The following LHFPL6 variants were observed in gnomAD, a reference collection of about 807,000 sequenced individuals.
The protein encoded by LHFPL6 is LHFPL tetraspan subfamily member 6 protein.
LHFPL6 carries 9 observed loss-of-function variants against 20.6 expected under a neutral mutation model. The ratio of observed to expected loss-of-function variants is 0.44; its 90% CI spans 0.26 to 0.76. LHFPL6 has a LOEUF of 0.76. Ranked by LOEUF, LHFPL6 falls within the 30% of genes least tolerant of loss-of-function variation. LHFPL6 has a pLI of 0.20. For missense variants in LHFPL6, 218 were observed against 253.5 expected, an observed-to-expected ratio of 0.86 and a Z score of 0.95; for synonymous variants, 105 against 98.7, an observed-to-expected ratio of 1.06 and a Z score of -0.38.
At chr13:39,434,231 T>C (rs1871894184) in intron 2 of LHFPL6, among the ~76,000 whole-genome samples, 1 of 152,260 alleles carries the variant, frequency 6.6e-6, no homozygotes, top group African/African-American at 2.4e-5. Flanking sequence ...TATCAGGCAC[T>C]TTCCACATAG....
At chr13:39,586,266 C>T (rs1415520430) in intron 2 of LHFPL6, among the ~76,000 whole-genome samples, 1 of 152,088 alleles carries the variant, frequency 6.6e-6, no homozygotes, top group East Asian at 1.9e-4. Context: ...TTCAGTGACA[C>T]TGTCAGCTGC....
chr13:39,488,524 A>G (rs9566440), intron 2 of LHFPL6, among the ~76,000 whole-genome samples: 33,273 of 151,982 alleles, frequency 0.22, 5,630 homozygotes, highest in East Asian at 0.72. Flanking sequence ...ACTGAATCAC[A>G]TCCTTCTCTC....
At chr13:39,400,133 A>C (rs1301764254) in intron 2 of LHFPL6, among the ~76,000 whole-genome samples, 1 of 152,166 alleles carries the variant, frequency 6.6e-6, no homozygotes, top group Admixed American at 6.6e-5. Context: ...CATACAACCA[A>C]ATTTGATCCA....
chr13:39,442,211 G>A (rs1872159174), intron 2 of LHFPL6, among the ~76,000 whole-genome samples: 1 of 152,016 alleles, frequency 6.6e-6, no homozygotes, highest in Admixed American at 6.6e-5. Context: ...AAAAAAATTA[G>A]GTAGTTGAAA....
At chr13:39,452,647 G>A (rs1872481442) in intron 2 of LHFPL6, among the ~76,000 whole-genome samples, 1 of 152,038 alleles carries the variant, frequency 6.6e-6, no homozygotes, top group Admixed American at 6.6e-5. Flanking sequence ...CCAGACACCG[G>A]GTGTCTCACA....
intron 2 of LHFPL6, among the ~76,000 whole-genome samples, chr13:39,485,166 G>C (rs999326605): frequency 2.0e-5 from 3 of 152,110 alleles, no homozygotes; most frequent in Admixed American, 6.5e-5. Context: ...ACTATAAAGA[G>C]AGATAAATCA....
At chr13:39,581,347 G>A (rs1872275652) in intron 2 of LHFPL6, among the ~76,000 whole-genome samples, 1 of 152,120 alleles carries the variant, frequency 6.6e-6, no homozygotes, top group Admixed American at 6.5e-5. Context: ...CAGGGAAGAA[G>A]AGCTCACCGC....
intron 2 of LHFPL6, among the ~76,000 whole-genome samples, chr13:39,428,999 C>G (rs1039578183): frequency 1.3e-5 from 2 of 152,094 alleles, no homozygotes; most frequent in Non-Finnish European, 2.9e-5. Context: ...ATACTTACTT[C>G]TAAGTTAATT....
chr13:39,414,482 G>C (rs1223203313), intron 2 of LHFPL6, among the ~76,000 whole-genome samples: 1 of 152,126 alleles, frequency 6.6e-6, no homozygotes. Flanking sequence ...ATGTGTTTCA[G>C]GACAACTGAG....
At chr13:39,352,897 ATATATATATAAATG>A (rs1338821762) in intron 3 of LHFPL6, among the ~76,000 whole-genome samples, 532 of 36,100 alleles carry the variant, frequency 0.015, 33 homozygotes, top group African/African-American at 0.042. Context: ...ATATATGTGT[ATATATATATAAATG>A]TATATATATA....
chr13:39,483,953 C>T (rs371485085), intron 2 of LHFPL6, among the ~76,000 whole-genome samples: 2 of 152,170 alleles, frequency 1.3e-5, no homozygotes, highest in South Asian at 4.1e-4. Context: ...ACAAGTATTA[C>T]TTTTCTTCTT....
At chr13:39,413,389 G>A (rs1014983777) in intron 2 of LHFPL6, among the ~76,000 whole-genome samples, 15 of 145,030 alleles carry the variant, frequency 1.0e-4, no homozygotes, top group Admixed American at 2.1e-4. Context: ...TAAAATATTC[G>A]TAAATTATGT....
chr13:39,521,715 T>A (rs534440940), intron 2 of LHFPL6, among the ~76,000 whole-genome samples: 1 of 152,316 alleles, frequency 6.6e-6, no homozygotes, highest in Admixed American at 6.5e-5. Flanking sequence ...AAAGAGTCAT[T>A]ATCTATCCAA....
intron 2 of LHFPL6, among the ~76,000 whole-genome samples, chr13:39,438,369 A>G (rs1027215356): frequency 1.3e-5 from 2 of 152,242 alleles, no homozygotes; most frequent in Non-Finnish European, 2.9e-5. Flanking sequence ...ATATGAGTAA[A>G]TAAATGAACT....
At chr13:39,350,834 A>T (rs1301895780) in intron 3 of LHFPL6, among the ~76,000 whole-genome samples, 1 of 152,212 alleles carries the variant, frequency 6.6e-6, no homozygotes, top group Non-Finnish European at 1.5e-5. Flanking sequence ...GCGGAATTCC[A>T]GGGCAGCCCC....
At chr13:39,505,433 A>G (rs1373647505) in intron 2 of LHFPL6, among the ~76,000 whole-genome samples, 1 of 152,192 alleles carries the variant, frequency 6.6e-6, no homozygotes, top group Non-Finnish European at 1.5e-5. Flanking sequence ...AACTACTGAA[A>G]GAAATGAGGA....
intron 2 of LHFPL6, among the ~76,000 whole-genome samples, chr13:39,586,390 T>C (rs1252638298): frequency 3.9e-5 from 6 of 152,202 alleles, no homozygotes; most frequent in Non-Finnish European, 5.9e-5. Flanking sequence ...GATATGCACA[T>C]TGTAACACTG....
At chr13:39,518,859 G>A (rs1870012830) in intron 2 of LHFPL6, among the ~76,000 whole-genome samples, 1 of 152,322 alleles carries the variant, frequency 6.6e-6, no homozygotes, top group East Asian at 1.9e-4. Flanking sequence ...GACAATTAAT[G>A]GGTAGCATCC....
intron 3 of LHFPL6, among the ~76,000 whole-genome samples, chr13:39,348,298 C>T (rs182072918): frequency 2.9e-4 from 44 of 152,306 alleles, no homozygotes; most frequent in East Asian, 1.9e-4. Flanking sequence ...ATATTTGCAA[C>T]GCTCTTCAGA....
Sources: allele counts gnomAD v4.1 joint callset (sites outside exome capture counted in the v4.1 genomes callset), GRCh38; gene constraint gnomAD v4.1.1; transcripts MANE v1.5; gene names NCBI Gene and HGNC (gene_info 2026-07-23, HGNC 2026-07-21).